The following CDH4 variants were observed in gnomAD, a reference collection of about 807,000 sequenced individuals.
CDH4 encodes cadherin-4.
In CDH4, 33 loss-of-function variants were observed where a neutral mutation model predicts 86.0. The observed-to-expected ratio is 0.38, with a 90% CI of 0.29 to 0.51. The LOEUF (loss-of-function observed/expected upper bound fraction) is 0.51, where lower values mean the gene tolerates loss of function less well. Ranked by LOEUF, CDH4 falls within the 20% of genes least tolerant of loss-of-function variation. The probability of loss-of-function intolerance (pLI) is 0.86; values close to 1 mark genes in which losing one functional copy is unlikely to be tolerated. For missense variants in CDH4, 1,114 were observed against 1,307.4 expected, an observed-to-expected ratio of 0.85 and a Z score of 2.28; for synonymous variants, 555 against 549.4, an observed-to-expected ratio of 1.01 and a Z score of -0.14.
chr20:61,295,182 T>C (rs2427042), intron 2 of CDH4, among the ~76,000 whole-genome samples: 145,681 of 152,320 alleles, frequency 0.96, 69,960 homozygotes, highest in East Asian at 1. Context: ...AGGGGAAGAA[T>C]ACTTTGTTTT....
At chr20:61,882,604 C>T (rs188450265) in intron 7 of CDH4, among the ~76,000 whole-genome samples, 2 of 152,196 alleles carry the variant, frequency 1.3e-5, no homozygotes, top group Non-Finnish European at 2.9e-5. Context: ...CCCCTCCCTC[C>T]CGGGGTTCCG....
At chr20:61,760,244 G>A (rs1379127864) in intron 3 of CDH4, among the ~76,000 whole-genome samples, 1 of 152,192 alleles carries the variant, frequency 6.6e-6, no homozygotes, top group African/African-American at 2.4e-5. Flanking sequence ...GGCTAATTAG[G>A]AACAACATGA....
At chr20:61,328,831 C>T (rs1257027632) in intron 2 of CDH4, among the ~76,000 whole-genome samples, 2 of 152,148 alleles carry the variant, frequency 1.3e-5, no homozygotes, top group African/African-American at 4.8e-5. Flanking sequence ...ATAGTTTGCT[C>T]AAGGAGGACC....
chr20:61,414,658 A>G (rs1219461603), intron 2 of CDH4, among the ~76,000 whole-genome samples: 1 of 152,142 alleles, frequency 6.6e-6, no homozygotes, highest in Non-Finnish European at 1.5e-5. Flanking sequence ...ATTGCTATAA[A>G]CAGGGGCTTG....
rs1419684510 is a variant in CDH4, at chr20:61,571,794, C to G, written c.170-171769C>G. ...TTCCCCACCCCTTCCCGCCCCTCCCCTCCCTGCCCCCAGATCCTCAGGAAC... is the reference window on the plus strand; with the variant it reads ...TTCCCCACCCCTTCCCGCCCCTCCCGTCCCTGCCCCCAGATCCTCAGGAAC... On this transcript the variant is annotated intron_variant, in intron 2 of 15. Coordinates refer to ENST00000614565, the MANE Select transcript of CDH4 (RefSeq NM_001794.5). Among the ~76,000 whole-genome samples, 20 of 150,616 alleles carry G rather than the reference C, an allele frequency of 1.3e-4. No individual in the cohort carries two copies. The East Asian group carries it at 4.0e-3, about 30-fold the overall frequency.
chr20:61,687,773 T>TA (rs1349008183), intron 2 of CDH4, among the ~76,000 whole-genome samples: 5 of 152,276 alleles, frequency 3.3e-5, no homozygotes, highest in African/African-American at 9.6e-5. Context: ...AAATTTATTT[T>TA]AAAAAACCAG....
At chr20:61,839,100 A>C (rs1216440264) in intron 4 of CDH4, among the ~76,000 whole-genome samples, 1 of 152,222 alleles carries the variant, frequency 6.6e-6, no homozygotes, top group Non-Finnish European at 1.5e-5. Context: ...TCATAGAAGG[A>C]GAAAGCTGAA....
chr20:61,680,151 C>A (rs954828151), intron 2 of CDH4, among the ~76,000 whole-genome samples: 5 of 152,196 alleles, frequency 3.3e-5, no homozygotes, highest in Admixed American at 3.3e-4. Flanking sequence ...CAGGACCCAG[C>A]ACCACCTCCC....
intron 4 of CDH4, among the ~76,000 whole-genome samples, chr20:61,841,105 GC>G (rs1020193150): frequency 1.3e-5 from 2 of 152,138 alleles, no homozygotes; most frequent in Non-Finnish European, 2.9e-5. Flanking sequence ...CGTCCCTGGC[GC>G]CCACCTCCTG....
intron 2 of CDH4, among the ~76,000 whole-genome samples, chr20:61,276,872 G>T (rs1198532613): frequency 1.3e-5 from 2 of 152,182 alleles, no homozygotes; most frequent in Non-Finnish European, 2.9e-5. Context: ...TGGGTTCCTG[G>T]ATATCAAAGT....
chr20:61,434,093 C>T (rs2085266629), intron 2 of CDH4, among the ~76,000 whole-genome samples: 1 of 152,148 alleles, frequency 6.6e-6, no homozygotes, highest in South Asian at 2.1e-4. Context: ...GTTCTTGGGG[C>T]TCATGATACA....
intron 2 of CDH4, among the ~76,000 whole-genome samples, chr20:61,736,797 AC>A (rs990434845): frequency 2.2e-4 from 34 of 152,078 alleles, no homozygotes; most frequent in African/African-American, 7.7e-4. Context: ...TCATGAGGTC[AC>A]CCGGGGCGGG....
At chr20:61,478,570 T>C (rs975117506) in intron 2 of CDH4, among the ~76,000 whole-genome samples, 8 of 152,166 alleles carry the variant, frequency 5.3e-5, no homozygotes, top group African/African-American at 1.9e-4. Flanking sequence ...CATGTGTAGA[T>C]TAACCTCTAG....
intron 4 of CDH4, among the ~76,000 whole-genome samples, chr20:61,819,748 C>A (rs976788467): frequency 2.0e-5 from 3 of 152,222 alleles, no homozygotes; most frequent in Admixed American, 1.3e-4. Context: ...ACAAACCCTT[C>A]TTCCCAGCTT....
intron 7 of CDH4, among the ~76,000 whole-genome samples, chr20:61,881,887 A>G (rs1164833905): frequency 6.6e-6 from 1 of 152,204 alleles, no homozygotes; most frequent in African/African-American, 2.4e-5. Flanking sequence ...AGATCTGGAG[A>G]TAAAATCGTC....
intron 4 of CDH4, among the ~76,000 whole-genome samples, chr20:61,840,892 C>T (rs574805052): frequency 2.0e-5 from 3 of 152,260 alleles, no homozygotes; most frequent in African/African-American, 7.2e-5. Flanking sequence ...GGCGGCCAAA[C>T]GGGCCTGGAG....
At chr20:61,735,940 C>T (rs1027642671) in intron 2 of CDH4, among the ~76,000 whole-genome samples, 1 of 152,178 alleles carries the variant, frequency 6.6e-6, no homozygotes, top group Middle Eastern at 3.2e-3. Context: ...ACTCAGCTCC[C>T]GAGTTGTTTG....
intron 2 of CDH4, among the ~76,000 whole-genome samples, chr20:61,334,211 C>A (rs148757243): frequency 6.6e-6 from 1 of 152,332 alleles, no homozygotes; most frequent in Admixed American, 6.5e-5. Context: ...GAAACAGTGT[C>A]TCTGTCATTA....
chr20:61,771,587 G>C (rs529850961), intron 3 of CDH4, among the ~76,000 whole-genome samples: 4 of 141,388 alleles, frequency 2.8e-5, no homozygotes, highest in Non-Finnish European at 6.0e-5. Flanking sequence ...TCGTATCACT[G>C]CTCCAGCCTG....
Sources: gnomAD v4.1 joint callset for allele counts (sites outside exome capture counted in the v4.1 genomes callset) on GRCh38, gnomAD v4.1.1 for gene constraint, MANE v1.5 for transcripts, NCBI Gene and HGNC (gene_info 2026-07-23, HGNC 2026-07-21) for gene names.